The following DGKB variants were observed in gnomAD, a reference collection of about 807,000 sequenced individuals.
DGKB encodes diacylglycerol kinase beta, also known as 90 kDa diacylglycerol kinase.
Under a neutral mutation model 114.3 loss-of-function variants are expected in DGKB, and 67 were observed. The observed-to-expected ratio is 0.59, with a 90% CI of 0.48 to 0.72. The LOEUF is 0.72. DGKB is among the 30% of genes least tolerant of loss of function. DGKB has a pLI of 0.00. For synonymous variants in DGKB, 398 were observed against 323.1 expected (o/e 1.23, Z -2.49); for missense variants, 907 against 975.2 (o/e 0.93, Z 0.93).
At chr7:14,256,697 A>G (rs995294859) in intron 23 of DGKB, among the ~76,000 whole-genome samples, 13 of 152,228 alleles carry the variant, frequency 8.5e-5, no homozygotes, top group Admixed American at 3.3e-4. Flanking sequence ...TAGGATACTC[A>G]GTAAAGGCAG....
intron 23 of DGKB, among the ~76,000 whole-genome samples, chr7:14,184,932 G>C (rs1179597976): frequency 1.3e-5 from 2 of 152,126 alleles, no homozygotes; most frequent in African/African-American, 4.8e-5. Flanking sequence ...TGAATGGGGA[G>C]AAGTTGAAAG....
intron 23 of DGKB, among the ~76,000 whole-genome samples, chr7:14,320,373 T>G (rs1229153319): frequency 1.3e-5 from 2 of 152,080 alleles, no homozygotes; most frequent in African/African-American, 4.8e-5. Flanking sequence ...ATTTATAGAG[T>G]CCAAGTAGCA....
chr7:14,182,196 A>G (rs557166418), intron 23 of DGKB, among the ~76,000 whole-genome samples: 1 of 152,084 alleles, frequency 6.6e-6, no homozygotes, highest in Non-Finnish European at 1.5e-5. Context: ...ACAAGTCTCT[A>G]TAAAATAAAA....
At chr7:14,568,665 A>G (rs960056538) in intron 20 of DGKB, among the ~76,000 whole-genome samples, 2 of 152,222 alleles carry the variant, frequency 1.3e-5, no homozygotes, top group African/African-American at 4.8e-5. Context: ...TCATTGTCAG[A>G]CCACGGATAA....
Position 14,262,481 on chromosome 7 carries a change from T to C in DGKB, c.2122+76034A>G, listed in dbSNP as rs537253757. On this transcript the variant is annotated intron_variant, in intron 23 of 25. Transcript: ENST00000402815. ...TGAGAGCACAGGTCCTCTTCAGACA[T>C]TGAATCTGCCTGGGCCTTGTTCTCA... is the stretch of plus-strand genomic sequence containing the variant. Among the ~76,000 whole-genome samples the C allele has an allele frequency of 6.6e-5, 10 of 152,284 alleles. No homozygotes were observed. The South Asian group carries it at 1.4e-3, about 22-fold the overall frequency.
At chr7:14,892,107 A>G (rs2128226475) in intron 1 of DGKB, among the ~76,000 whole-genome samples, 1 of 151,498 alleles carries the variant, frequency 6.6e-6, no homozygotes, top group South Asian at 2.1e-4. Flanking sequence ...GGAGAATGAG[A>G]AAAAAGTCAT....
chr7:14,259,379 TTCTCTCTCTCTCTCTC>T (rs752185464), intron 23 of DGKB, among the ~76,000 whole-genome samples: 3 of 142,286 alleles, frequency 2.1e-5, no homozygotes, highest in Non-Finnish European at 4.5e-5. Context: ...CTAGTAAAGT[TTCTCTCTCTCTCTCTC>T]TCTCTCTCTC....
At chr7:14,950,200 A>C (rs546495579) in intron 1 of DGKB, among the ~76,000 whole-genome samples, 1 of 150,768 alleles carries the variant, frequency 6.6e-6, no homozygotes, top group South Asian at 2.1e-4. Context: ...ATAGAAAAAC[A>C]TGACTCATCC....
chr7:14,870,288 C>A (rs1201097059), intron 1 of DGKB, among the ~76,000 whole-genome samples: 1 of 152,096 alleles, frequency 6.6e-6, no homozygotes, highest in Non-Finnish European at 1.5e-5. Context: ...CTGTAATCTG[C>A]ATTTTATGTG....
intron 1 of DGKB, among the ~76,000 whole-genome samples, chr7:14,967,491 T>C (rs952504725): frequency 6.6e-6 from 1 of 151,702 alleles, no homozygotes; most frequent in African/African-American, 2.4e-5. Flanking sequence ...TGACTAATTT[T>C]TGTATTTTTA....
chr7:14,205,141 C>T (rs1444362370), intron 23 of DGKB, among the ~76,000 whole-genome samples: 1 of 151,988 alleles, frequency 6.6e-6, no homozygotes, highest in Non-Finnish European at 1.5e-5. Flanking sequence ...GTGTGTCATA[C>T]TGTCACTGTG....
chr7:14,582,333 T>C (rs764680558), intron 18 of DGKB, among the ~76,000 whole-genome samples: 2 of 152,174 alleles, frequency 1.3e-5, no homozygotes, highest in African/African-American at 2.4e-5. Flanking sequence ...AATTTATACT[T>C]TTTCTTGTGC....
chr7:14,918,938 C>A (rs542688773), intron 1 of DGKB, among the ~76,000 whole-genome samples: 5 of 152,054 alleles, frequency 3.3e-5, no homozygotes, highest in Admixed American at 3.3e-4. Flanking sequence ...TGGCAGGTGC[C>A]TGTAATCCCA....
At chr7:14,511,970 G>T (rs968596030) in intron 20 of DGKB, among the ~76,000 whole-genome samples, 3 of 152,110 alleles carry the variant, frequency 2.0e-5, no homozygotes, top group African/African-American at 7.2e-5. Flanking sequence ...CCCAAACAAT[G>T]ACAACAGTAA....
intron 23 of DGKB, among the ~76,000 whole-genome samples, chr7:14,194,282 T>C (rs190608604): frequency 1.7e-4 from 26 of 152,276 alleles, no homozygotes; most frequent in Non-Finnish European, 3.2e-4. Context: ...TAATAGCTAA[T>C]ATATTGAATC....
At chr7:14,948,723 T>C (rs867555195) in intron 1 of DGKB, among the ~76,000 whole-genome samples, 83 of 151,816 alleles carry the variant, frequency 5.5e-4, no homozygotes, top group African/African-American at 1.9e-3. Context: ...TTACATTTAG[T>C]AAAATATGAG....
At chr7:14,224,323 A>AAT (rs1255215120) in intron 23 of DGKB, among the ~76,000 whole-genome samples, 7 of 151,966 alleles carry the variant, frequency 4.6e-5, no homozygotes, top group African/African-American at 1.7e-4. Flanking sequence ...CTTGAATTTA[A>AAT]ATGTTTCCTT....
At chr7:14,677,520 A>G (rs1371039710) in intron 12 of DGKB, among the ~76,000 whole-genome samples, 1 of 152,006 alleles carries the variant, frequency 6.6e-6, no homozygotes, top group Non-Finnish European at 1.5e-5. Context: ...TATTATCTCT[A>G]TATCATAGCA....
intron 20 of DGKB, among the ~76,000 whole-genome samples, chr7:14,495,396 CTGT>C (rs1455075937): frequency 1.3e-5 from 2 of 151,760 alleles, no homozygotes; most frequent in East Asian, 3.8e-4. Context: ...AACAATTTCA[CTGT>C]TATTACACAA....
Sources: allele counts gnomAD v4.1 joint callset (sites outside exome capture counted in the v4.1 genomes callset), GRCh38; gene constraint gnomAD v4.1.1; transcripts MANE v1.5; gene names NCBI Gene and HGNC (gene_info 2026-07-23, HGNC 2026-07-21).